DYNC1I1: variants seen among roughly 807,000 people sequenced by gnomAD.
DYNC1I1 encodes the protein dynein cytoplasmic 1 intermediate chain 1.
Under a neutral mutation model 86.6 loss-of-function variants are expected in DYNC1I1, and 43 were observed. That is an observed-to-expected ratio of 0.50 (90% CI 0.39 to 0.64). The LOEUF is 0.64. Ranked by LOEUF, DYNC1I1 falls within the 30% of genes least tolerant of loss-of-function variation. The pLI is 0.00. For synonymous variants in DYNC1I1, 262 were observed against 283.7 expected (o/e 0.92, Z 0.77); for missense variants, 604 against 788.8 (o/e 0.77, Z 2.81).
chr7:96,041,277 A>G (rs1303657647), intron 14 of DYNC1I1, among the ~76,000 whole-genome samples: 2 of 152,188 alleles, frequency 1.3e-5, no homozygotes, highest in Admixed American at 1.3e-4. Context: ...AAGTTGAGAA[A>G]CATATTTCCA....
At chr7:95,869,432 CT>C (rs1297223619) in intron 5 of DYNC1I1, among the ~76,000 whole-genome samples, 2 of 151,956 alleles carry the variant, frequency 1.3e-5, no homozygotes, top group Admixed American at 6.6e-5. Flanking sequence ...AATCCCCTCA[CT>C]GCTATGATAG....
intron 14 of DYNC1I1, among the ~76,000 whole-genome samples, chr7:96,058,020 C>CT (rs530369884): frequency 5.9e-5 from 9 of 152,222 alleles, no homozygotes; most frequent in East Asian, 3.9e-4. Flanking sequence ...CATTTATCAC[C>CT]TTTTTTTCAC....
chr7:95,834,910 T>C (rs1789032676), intron 5 of DYNC1I1, among the ~76,000 whole-genome samples: 1 of 151,970 alleles, frequency 6.6e-6, no homozygotes, highest in Admixed American at 6.6e-5. Flanking sequence ...TGTTGATCCT[T>C]TCAAAAAGCC....
At chr7:95,798,027 A>G (rs1794486773) in intron 1 of DYNC1I1, among the ~76,000 whole-genome samples, 2 of 152,312 alleles carry the variant, frequency 1.3e-5, no homozygotes, top group East Asian at 1.9e-4. Flanking sequence ...TAAAATAATT[A>G]AATACTTAAA....
intron 7 of DYNC1I1, among the ~76,000 whole-genome samples, chr7:95,981,790 C>T (rs1467732775): frequency 6.6e-6 from 1 of 152,106 alleles, no homozygotes; most frequent in Non-Finnish European, 1.5e-5. Context: ...TCCATGCCCA[C>T]ATTTTGTTTT....
Position 95,930,442 on chromosome 7 carries a change from C to T in DYNC1I1, c.491-47070C>T, listed in dbSNP as rs150825846. 5.7e-3 allele frequency among the ~76,000 whole-genome samples: 864 copies of T among 152,240 alleles called. 12 individuals carry two copies. The highest frequency in any genetic ancestry group is 0.019 in the African/African-American group (800 of 41,534). On this transcript the variant is annotated intron_variant, in intron 6 of 16. Coordinates refer to ENST00000447467, the MANE Select transcript of DYNC1I1 (RefSeq NM_001135556.2). ...TTGGGCTATTTATATTTCAATGTTA[C>T]CATTTTAATGGGCAACTGTCTATGT... is the stretch of plus-strand genomic sequence containing the variant.
At chr7:96,034,681 C>G (rs1562979627) in intron 12 of DYNC1I1, among the ~76,000 whole-genome samples, 1 of 152,156 alleles carries the variant, frequency 6.6e-6, no homozygotes, top group Non-Finnish European at 1.5e-5. Context: ...GATGTGCACC[C>G]TATGTGTGGA....
intron 1 of DYNC1I1, among the ~76,000 whole-genome samples, chr7:95,777,636 C>G (rs1026234724): frequency 6.6e-6 from 1 of 152,172 alleles, no homozygotes; most frequent in Non-Finnish European, 1.5e-5. Flanking sequence ...ATAGAACAAC[C>G]CACTGTTTCA....
At chr7:95,934,958 G>A (rs1052325517) in intron 6 of DYNC1I1, among the ~76,000 whole-genome samples, 8 of 151,256 alleles carry the variant, frequency 5.3e-5, no homozygotes, top group Non-Finnish European at 7.4e-5. Context: ...TGTTTTGTGT[G>A]TGTGTGTGTG....
At chr7:95,782,101 CT>C (rs1562890019) in intron 1 of DYNC1I1, among the ~76,000 whole-genome samples, 3 of 152,170 alleles carry the variant, frequency 2.0e-5, no homozygotes, top group Non-Finnish European at 4.4e-5. Flanking sequence ...TTGATATATA[CT>C]TTTACAATCC....
intron 12 of DYNC1I1, among the ~76,000 whole-genome samples, chr7:96,033,105 C>G (rs1794850922): frequency 6.6e-6 from 1 of 152,186 alleles, no homozygotes; most frequent in South Asian, 2.1e-4. Flanking sequence ...TGAACAGATG[C>G]AGACGAGGTT....
intron 10 of DYNC1I1, among the ~76,000 whole-genome samples, chr7:96,007,800 C>T (rs933084231): frequency 1.3e-5 from 2 of 152,164 alleles, no homozygotes; most frequent in South Asian, 4.1e-4. Context: ...GGGAAACAGG[C>T]AATATCAGTT....
In DYNC1I1 at chr7:95,812,765, T is replaced by C. The variant is rs577203843; in HGVS notation, c.224-482T>C. On this transcript the variant is annotated intron_variant, in intron 3 of 16. Coordinates refer to ENST00000447467, the MANE Select transcript of DYNC1I1 (RefSeq NM_001135556.2). The stretch of plus-strand genomic sequence containing the variant: ...GTACATTTCTCTCTCAATGCAGACA[T>C]ACAACAGATTTTTCTGACTGTCCTT... 9.2e-5 allele frequency among the ~76,000 whole-genome samples: 14 copies of C among 152,322 alleles called. No homozygotes were observed. The South Asian group carries it at 2.7e-3, about 29-fold the overall frequency.
intron 6 of DYNC1I1, among the ~76,000 whole-genome samples, chr7:95,962,649 G>C (rs1298574920): frequency 1.3e-5 from 2 of 152,116 alleles, no homozygotes; most frequent in Non-Finnish European, 2.9e-5. Flanking sequence ...CAACAATTCT[G>C]TTATGTAAGG....
At chr7:96,108,158 T>A (rs542430252) in intron 16 of DYNC1I1, among the ~76,000 whole-genome samples, 2 of 152,272 alleles carry the variant, frequency 1.3e-5, no homozygotes, top group East Asian at 3.9e-4. Flanking sequence ...AAAATGAATG[T>A]TGAATGTTGT....
intron 14 of DYNC1I1, among the ~76,000 whole-genome samples, chr7:96,075,522 C>T (rs1790305305): frequency 6.6e-6 from 1 of 152,204 alleles, no homozygotes; most frequent in South Asian, 2.1e-4. Context: ...ACGCATTCCT[C>T]TCTGCAAAAG....
At chr7:96,011,828 G>A (rs1003670295) in intron 10 of DYNC1I1, among the ~76,000 whole-genome samples, 4 of 152,214 alleles carry the variant, frequency 2.6e-5, no homozygotes, top group Middle Eastern at 6.8e-3. Flanking sequence ...GGTATAACTG[G>A]CATTTGGCAA....
chr7:95,966,363 A>G (rs758312167), intron 6 of DYNC1I1, among the ~76,000 whole-genome samples: 1 of 152,212 alleles, frequency 6.6e-6, no homozygotes. Flanking sequence ...TTTGCCTCAG[A>G]TACAAAGTCT....
intron 5 of DYNC1I1, among the ~76,000 whole-genome samples, chr7:95,859,642 T>C (rs1346947653): frequency 6.6e-6 from 1 of 152,206 alleles, no homozygotes; most frequent in Non-Finnish European, 1.5e-5. Flanking sequence ...GAGAGCTGTC[T>C]GGAATCTCCT....
Sources: gnomAD v4.1 joint callset for allele counts (sites outside exome capture counted in the v4.1 genomes callset) on GRCh38, gnomAD v4.1.1 for gene constraint, MANE v1.5 for transcripts, NCBI Gene and HGNC (gene_info 2026-07-23, HGNC 2026-07-21) for gene names.